ABTB2: variants seen among roughly 807,000 people sequenced by gnomAD.
ABTB2 encodes the protein ankyrin repeat and BTB/POZ domain-containing protein 2.
A neutral mutation model predicts 104.1 loss-of-function variants in ABTB2; 56 were observed. That is an observed-to-expected ratio of 0.54 (90% CI 0.43 to 0.67). The LOEUF (loss-of-function observed/expected upper bound fraction) is 0.67, where lower values mean the gene tolerates loss of function less well. ABTB2 is among the 30% of genes least tolerant of loss of function. ABTB2 has a pLI of 0.00. For missense variants in ABTB2, 1,279 were observed against 1,407.7 expected, an observed-to-expected ratio of 0.91 and a Z score of 1.46; for synonymous variants, 606 against 608.2, an observed-to-expected ratio of 1.00 and a Z score of 0.05.
intron 4 of ABTB2, 49 bp downstream of exon 4, chr11:34,173,106 T>C: frequency 1.2e-6 from 2 of 1,611,174 alleles, no homozygotes; most frequent in Non-Finnish European, 1.7e-6. Flanking sequence ...GGGGAGCCGC[T>C]GGGGGCAGGT....
Position 34,162,682 on chromosome 11 carries a change from C to G in ABTB2, c.2112G>C (p.Glu704Asp). 1.2e-6 allele frequency: 2 copies of G among 1,613,152 alleles called. No homozygotes were observed. The highest frequency in any genetic ancestry group is 2.2e-5 in the South Asian group (2 of 91,082). Residue 704 changes from glutamate (E) to aspartate (D), a missense_variant, in exon 10 of 17, where the codon GAG (glutamate) becomes GAC (aspartate). Coordinates refer to ENST00000435224, the MANE Select transcript of ABTB2 (RefSeq NM_145804.3). ...GGGTCCGGCTCAGCCGCACGGGCCCCTCGCTGCCACTGCCCTGGCTCGACG... is the reference window on the plus strand; with the variant it reads ...GGGTCCGGCTCAGCCGCACGGGCCCGTCGCTGCCACTGCCCTGGCTCGACG... ...SDASSQGSGS[E>D]GPVRLSRTRT...
At chr11:34,349,736 G>A (rs1016582275) in intron 1 of ABTB2, among the ~76,000 whole-genome samples, 1 of 152,166 alleles carries the variant, frequency 6.6e-6, no homozygotes, top group Non-Finnish European at 1.5e-5. Context: ...GAAAAGTCTG[G>A]AGACATTTTT....
chr11:34,235,881 C>T (rs1590225672), intron 1 of ABTB2, among the ~76,000 whole-genome samples: 1 of 152,208 alleles, frequency 6.6e-6, no homozygotes, highest in African/African-American at 2.4e-5. Context: ...AGAGCAGAGC[C>T]TGTTCCTCCT....
At chr11:34,177,161 C>T (rs1448498359) in intron 3 of ABTB2, among the ~76,000 whole-genome samples, 1 of 152,226 alleles carries the variant, frequency 6.6e-6, no homozygotes, top group Non-Finnish European at 1.5e-5. Context: ...GCTACTAAAA[C>T]TCTAAGAGGG....
rs940756889 is a variant in ABTB2, at chr11:34,305,736, G to A, written c.883+50965C>T. On this transcript the variant is annotated intron_variant, in intron 1 of 16. Coordinates refer to ENST00000435224, the MANE Select transcript of ABTB2 (RefSeq NM_145804.3). ...ATGTTCAAACTTAGAGAAATAGAAA[G>A]GATAGTGCAATAAATACTCATATAC... 2.0e-5 allele frequency among the ~76,000 whole-genome samples: 3 copies of A among 152,234 alleles called. No individual in the cohort carries two copies. In the South Asian group the frequency reaches 6.2e-4, roughly 32 times the overall value.
intron 1 of ABTB2, among the ~76,000 whole-genome samples, chr11:34,295,731 T>C (rs1473999106): frequency 5.9e-5 from 9 of 152,162 alleles, no homozygotes. Flanking sequence ...GAGATCAGGG[T>C]GCCAGCATGG....
chr11:34,304,535 CAG>C (rs1312731652), intron 1 of ABTB2, among the ~76,000 whole-genome samples: 1 of 152,178 alleles, frequency 6.6e-6, no homozygotes, highest in Admixed American at 6.5e-5. Context: ...AAAACAGACA[CAG>C]AGGCTAGGCA....
intron 4 of ABTB2, 152 bp downstream of exon 4, chr11:34,173,003 G>T: frequency 1.1e-6 from 1 of 937,514 alleles, no homozygotes; most frequent in Non-Finnish European, 1.6e-6. Flanking sequence ...CTCAGGCTTG[G>T]CCTTTGCAGA....
chr11:34,307,679 C>T (rs1854794088), intron 1 of ABTB2, among the ~76,000 whole-genome samples: 1 of 151,484 alleles, frequency 6.6e-6, no homozygotes, highest in Non-Finnish European at 1.5e-5. Flanking sequence ...TTGAGTCTGG[C>T]CTCATAGTTA....
chr11:34,185,316 C>T (rs1028626544), intron 3 of ABTB2, among the ~76,000 whole-genome samples: 1 of 152,206 alleles, frequency 6.6e-6, no homozygotes, highest in African/African-American at 2.4e-5. Flanking sequence ...GGGTGGTACA[C>T]TCCAGCCCAG....
chr11:34,355,237 A>G (rs188309446), intron 1 of ABTB2, among the ~76,000 whole-genome samples: 39 of 152,272 alleles, frequency 2.6e-4, no homozygotes, highest in African/African-American at 9.2e-4. Flanking sequence ...AACAAAGCAT[A>G]AGATCTGAGA....
Position 34,170,891 on chromosome 11 carries a change from G to A in ABTB2, c.1563+15C>T, listed in dbSNP as rs779734646. 2.5e-6 allele frequency: 4 copies of A among 1,608,012 alleles called. No homozygotes were observed. The highest frequency in any genetic ancestry group is 3.4e-6 in the Non-Finnish European group (4 of 1,176,600). On this transcript the variant is annotated intron_variant, in intron 5 of 16. Coordinates refer to ENST00000435224, the MANE Select transcript of ABTB2 (RefSeq NM_145804.3). The stretch of plus-strand genomic sequence containing the variant: ...TGGTCCTCGTGCCTGTCTTTGTGGA[G>A]CTCTCAGGACGTACCTGGTCATCCA...
At chr11:34,296,997 A>C (rs1854630741) in intron 1 of ABTB2, among the ~76,000 whole-genome samples, 1 of 152,166 alleles carries the variant, frequency 6.6e-6, no homozygotes, top group African/African-American at 2.4e-5. Context: ...CACCTATCCT[A>C]TTCATGAGTT....
chr11:34,289,448 T>C (rs1854540488), intron 1 of ABTB2, among the ~76,000 whole-genome samples: 2 of 152,220 alleles, frequency 1.3e-5, no homozygotes, highest in South Asian at 4.1e-4. Flanking sequence ...TTTTATCTCA[T>C]GAAAACTCAA....
chr11:34,282,816 G>GC (rs1854462318), intron 1 of ABTB2, among the ~76,000 whole-genome samples: 2 of 152,012 alleles, frequency 1.3e-5, no homozygotes, highest in African/African-American at 2.4e-5. Flanking sequence ...ACAAGCATGA[G>GC]CCACCGTGCC....
chr11:34,324,472 C>T (rs1373679860), intron 1 of ABTB2, among the ~76,000 whole-genome samples: 1 of 152,166 alleles, frequency 6.6e-6, no homozygotes, highest in Non-Finnish European at 1.5e-5. Context: ...ATCTACTTGT[C>T]ATTCCCACAG....
intron 1 of ABTB2, among the ~76,000 whole-genome samples, chr11:34,214,139 A>AACACACACACACACACACACACACAC (rs10529537): frequency 3.7e-4 from 52 of 139,170 alleles, no homozygotes; most frequent in African/African-American, 1.4e-3. Context: ...GCACATTCAA[A>AACACACACACACACACACACACACAC]ACACACACAC....
intron 1 of ABTB2, among the ~76,000 whole-genome samples, chr11:34,309,998 C>G (rs1223682632): frequency 6.6e-6 from 1 of 152,204 alleles, no homozygotes; most frequent in East Asian, 1.9e-4. Context: ...TCACTCCTGA[C>G]AGCGGCCTAG....
At position 34,154,648 on chromosome 11, in the gene ABTB2, C is replaced by T. The variant is rs1457625718; in HGVS notation, c.2766+53G>A. 79 of 1,584,926 alleles carry T rather than the reference C, an allele frequency of 5.0e-5. No individual in the cohort carries two copies. The highest frequency in any genetic ancestry group is 6.4e-5 in the Non-Finnish European group (74 of 1,155,658). On this transcript the variant is annotated intron_variant, in intron 15 of 16. Coordinates refer to ENST00000435224, the MANE Select transcript of ABTB2 (RefSeq NM_145804.3). This position sits in a 1 kb window ranked among gnomAD's most constrained non-coding sequence, Gnocchi z 4.9. The stretch of plus-strand genomic sequence containing the variant: ...CCCTCTGAAGGGGGTGAATGGGAGA[C>T]CGAGCCGCTGGGCACCCTAGCCCAG...
Sources: allele counts gnomAD v4.1 joint callset (sites outside exome capture counted in the v4.1 genomes callset), GRCh38; gene constraint gnomAD v4.1.1; non-coding constraint Gnocchi (gnomAD v3.1); transcripts MANE v1.5; gene names NCBI Gene and HGNC (gene_info 2026-07-23, HGNC 2026-07-21).